CDK5RAP2: variants seen among roughly 807,000 people sequenced by gnomAD.
CDK5RAP2 encodes CDK5 regulatory subunit-associated protein 2.
CDK5RAP2 carries 147 observed loss-of-function variants against 232.9 expected under a neutral mutation model. The ratio of observed to expected loss-of-function variants is 0.63; its 90% CI spans 0.55 to 0.72. The LOEUF is 0.72. Ranked by LOEUF, CDK5RAP2 falls within the 30% of genes least tolerant of loss-of-function variation. The pLI, the probability that CDK5RAP2 is intolerant of heterozygous loss-of-function variation, is 0.00. For missense variants in CDK5RAP2, 2,195 were observed against 2,231.5 expected (o/e 0.98, Z 0.33); for synonymous variants, 833 against 833.7 (o/e 1.00, Z 0.01).
chr9:120,471,911 C>T (rs754561567), intron 15 of CDK5RAP2, 33 bp from the exon 16 acceptor site: 8 of 1,613,636 alleles, frequency 5.0e-6, no homozygotes, highest in East Asian at 2.2e-5. Flanking sequence ...AGTTTTAAAA[C>T]AGACCTATTT....
At position 120,536,397 on chromosome 9, in the gene CDK5RAP2, C is replaced by T. The variant is rs551301812; in HGVS notation, c.637G>A (p.Ala213Thr). ...CTGTCTTTCTCATCCAGGACCAGAG[C>T]CATCGCCAAGTCCCCCTCGTGCATC... ...KKMHEGDLAM[A>T]LVLDEKDRLI... The change falls in exon 7 of 38, where the codon GCT (alanine) becomes ACT (threonine). Residue 213 changes from alanine (A) to threonine (T), a missense_variant. Transcript: ENST00000349780. The T allele has an allele frequency of 2.2e-5, 36 of 1,614,196 alleles. No homozygotes were observed. In the East Asian group the frequency reaches 8.0e-4, roughly 36 times the overall value.
intron 13 of CDK5RAP2, 31 bp downstream of exon 13, chr9:120,491,276 T>G (rs1180985532): frequency 6.4e-7 from 1 of 1,558,914 alleles, no homozygotes; most frequent in Non-Finnish European, 8.8e-7. Context: ...CCATGCCAAA[T>G]TAAAAAATTT....
chr9:120,470,304 T>G, intron 16 of CDK5RAP2, 84 bp from the exon 17 acceptor site: 1 of 684,086 alleles, frequency 1.5e-6, no homozygotes, highest in Non-Finnish European at 2.6e-6. Flanking sequence ...CTGACCCCAG[T>G]GCAATCCATC....
chr9:120,426,273 C>T (rs1240712895), intron 25 of CDK5RAP2, among the ~76,000 whole-genome samples: 6 of 152,192 alleles, frequency 3.9e-5, no homozygotes. Context: ...TGACAGGTGA[C>T]ACAGCCCCAG....
intron 3 of CDK5RAP2, among the ~76,000 whole-genome samples, chr9:120,560,720 G>A (rs1327606603): frequency 4.6e-5 from 7 of 152,060 alleles, no homozygotes; most frequent in African/African-American, 1.2e-4. Context: ...GGGCTCAAGC[G>A]ATTCTCCTGC....
intron 25 of CDK5RAP2, among the ~76,000 whole-genome samples, chr9:120,427,179 G>C (rs1017632092): frequency 2.0e-5 from 3 of 152,162 alleles, no homozygotes; most frequent in African/African-American, 7.2e-5. Flanking sequence ...AGAGAAATCA[G>C]GGGTGTCCAA....
intron 23 of CDK5RAP2, among the ~76,000 whole-genome samples, chr9:120,442,613 T>C (rs1206210576): frequency 1.3e-5 from 2 of 152,244 alleles, no homozygotes; most frequent in Non-Finnish European, 2.9e-5. Context: ...AAGTCTGTAT[T>C]AATAACTATC....
At chr9:120,545,632 T>C in intron 5 of CDK5RAP2, 82 bp downstream of exon 5, 1 of 1,037,972 alleles carries the variant, frequency 9.6e-7, no homozygotes. Flanking sequence ...AAACCAACTG[T>C]CTTAGAAAAG....
At chr9:120,563,356 C>T (rs143400562) in intron 3 of CDK5RAP2, among the ~76,000 whole-genome samples, 2 of 152,206 alleles carry the variant, frequency 1.3e-5, no homozygotes, top group Non-Finnish European at 2.9e-5. Context: ...TCACACAGGA[C>T]GGGTTCTCAT....
chr9:120,510,476 AC>A (rs1370748334), intron 12 of CDK5RAP2, among the ~76,000 whole-genome samples: 3 of 152,114 alleles, frequency 2.0e-5, no homozygotes, highest in Non-Finnish European at 4.4e-5. Flanking sequence ...TCCCACACCC[AC>A]CCTGAGTAGA....
intron 29 of CDK5RAP2, 42 bp downstream of exon 29, chr9:120,411,316 G>C: frequency 8.5e-7 from 1 of 1,170,052 alleles, no homozygotes; most frequent in South Asian, 1.2e-5. Flanking sequence ...GACACAGAAG[G>C]CTTTGGCGTT....
At chr9:120,548,107 C>T (rs1223152486) in intron 4 of CDK5RAP2, among the ~76,000 whole-genome samples, 1 of 152,200 alleles carries the variant, frequency 6.6e-6, no homozygotes, top group African/African-American at 2.4e-5. Flanking sequence ...TTATCTTCTT[C>T]ACTGTCAAAC....
rs770633443 is a variant in CDK5RAP2 at position 120,453,583 on chromosome 9, G to T, written c.2666C>A (p.Ala889Glu). ...TTTCTCTTCCCAAGCCTCTCTTGTT[G>T]CTTCATGCTTGAATCTCAGCAGGTC... The part of the protein sequence containing the change: ...EGDLLRFKHE[A>E]TREAWEEKPI... Residue 889 changes from alanine (A) to glutamate (E), a missense_variant, in exon 21 of 38, where the codon GCA becomes GAA. Physicochemically the swap from Ala to Glu is moderately radical, Grantham distance 107. Transcript: ENST00000349780. The T allele has an allele frequency of 6.2e-7, 1 of 1,614,144 alleles. No homozygotes were observed. The highest frequency in any genetic ancestry group is 1.7e-5 in the Admixed American group (1 of 60,020).
chr9:120,450,455 T>C (rs1564234872), intron 21 of CDK5RAP2, among the ~76,000 whole-genome samples: 1 of 151,468 alleles, frequency 6.6e-6, no homozygotes, highest in African/African-American at 2.4e-5. Context: ...GTGAATAGAC[T>C]AAAAAAAAAC....
intron 12 of CDK5RAP2, among the ~76,000 whole-genome samples, chr9:120,507,972 G>A (rs1309271429): frequency 4.4e-5 from 5 of 112,976 alleles, no homozygotes; most frequent in Non-Finnish European, 8.5e-5. Context: ...TATATATAGT[G>A]GATTGTTTGA....
intron 35 of CDK5RAP2, among the ~76,000 whole-genome samples, chr9:120,397,086 A>C (rs1441093313): frequency 6.6e-6 from 1 of 152,212 alleles, no homozygotes; most frequent in African/African-American, 2.4e-5. Flanking sequence ...CCTGAGGGCC[A>C]CAGAGCTGCA....
At chr9:120,422,630 C>G (rs1444799340) in intron 26 of CDK5RAP2, 63 bp downstream of exon 26, 1 of 1,248,228 alleles carries the variant, frequency 8.0e-7, no homozygotes, top group Admixed American at 1.7e-5. Context: ...ATTTTAAAAG[C>G]TGGCAGGTAA....
Position 120,422,855 on chromosome 9 carries a change from T to C in CDK5RAP2, c.3956-114A>G, listed in dbSNP as rs190018249. 113 of 764,294 alleles carry C rather than the reference T, an allele frequency of 1.5e-4. No homozygotes were observed. In the African/African-American group the frequency reaches 1.8e-3, roughly 12 times the overall value. 47.3% of individuals were successfully genotyped at this position (764,294 alleles called of 1,614,324 possible). A position where few individuals can be genotyped will look rare whatever the true frequency, so the allele number is the denominator to read the frequency against. ...CACTATTCCACTTGTTTAAACACTC[T>C]GTAACAATCCTGGATATTTAAAGTA... is the stretch of plus-strand genomic sequence containing the variant. On this transcript the variant is annotated intron_variant, in intron 25 of 37. Coordinates refer to ENST00000349780, the MANE Select transcript of CDK5RAP2 (RefSeq NM_018249.6).
intron 22 of CDK5RAP2, among the ~76,000 whole-genome samples, chr9:120,447,159 A>T (rs1455033524): frequency 6.6e-6 from 1 of 152,160 alleles, no homozygotes; most frequent in African/African-American, 2.4e-5. Context: ...CAGAAGTTCA[A>T]AATTAGGAGT....
Sources: allele counts gnomAD v4.1 joint callset (sites outside exome capture counted in the v4.1 genomes callset), GRCh38; gene constraint gnomAD v4.1.1; transcripts MANE v1.5; gene names NCBI Gene and HGNC (gene_info 2026-07-23, HGNC 2026-07-21).